TSC22D1: variants seen among roughly 807,000 people sequenced by gnomAD.
TSC22D1 encodes the protein TSC22 domain family member 1, also known as TSC22 domain family protein 1.
Under a neutral mutation model 74.2 loss-of-function variants are expected in TSC22D1, and 9 were observed. The observed-to-expected ratio is 0.12, with a 90% CI of 0.07 to 0.21. The LOEUF (loss-of-function observed/expected upper bound fraction) is 0.21, where lower values mean the gene tolerates loss of function less well. Ranked by LOEUF, TSC22D1 falls within the 10% of genes least tolerant of loss-of-function variation. The pLI, the probability that TSC22D1 is intolerant of heterozygous loss-of-function variation, is 1.00. For missense variants in TSC22D1, 1,427 were observed against 1,304.7 expected (o/e 1.09, Z -1.44); for synonymous variants, 586 against 492.5 (o/e 1.19, Z -2.51).
intron 1 of TSC22D1, among the ~76,000 whole-genome samples, chr13:44,488,816 T>C (rs963694687): frequency 3.9e-5 from 6 of 152,134 alleles, no homozygotes; most frequent in African/African-American, 1.4e-4. Flanking sequence ...TTGAACTATA[T>C]TAAAGAGACT....
chr13:44,568,777 G>A (rs972544716), intron 1 of TSC22D1, among the ~76,000 whole-genome samples: 1 of 152,216 alleles, frequency 6.6e-6, no homozygotes, highest in South Asian at 2.1e-4. Flanking sequence ...AGAGGGTGGG[G>A]AAAGGAGGGG....
intron 1 of TSC22D1, among the ~76,000 whole-genome samples, chr13:44,502,897 C>T (rs1176013691): frequency 6.6e-6 from 1 of 152,224 alleles, no homozygotes; most frequent in Non-Finnish European, 1.5e-5. Context: ...GTATATTTCA[C>T]ATGCATACAT....
chr13:44,436,563 T>C, intron 1 of TSC22D1: 2 of 1,614,138 alleles, frequency 1.2e-6, no homozygotes, highest in East Asian at 4.5e-5. Context: ...AGAAAGAAAT[T>C]GAAAAATGTC....
chr13:44,524,947 A>G (rs1216332547), intron 1 of TSC22D1, among the ~76,000 whole-genome samples: 1 of 152,216 alleles, frequency 6.6e-6, no homozygotes, highest in Non-Finnish European at 1.5e-5. Flanking sequence ...AAAAGTAACC[A>G]TATTCAAATA....
intron 1 of TSC22D1, among the ~76,000 whole-genome samples, chr13:44,476,859 G>A (rs535473863): frequency 4.7e-4 from 72 of 151,980 alleles, no homozygotes; most frequent in African/African-American, 1.7e-3. Context: ...TAGAGATGGG[G>A]GTCTTGATAT....
chr13:44,527,994 C>T (rs192445946), intron 1 of TSC22D1, among the ~76,000 whole-genome samples: 10 of 152,158 alleles, frequency 6.6e-5, no homozygotes, highest in Admixed American at 2.0e-4. Context: ...TCCAAGAAGA[C>T]ATAACCATTC....
rs370742852 is a variant in TSC22D1 at position 44,551,310 on chromosome 13, GGT to G, written c.2912+21851_2912+21852del. Among the ~76,000 whole-genome samples the G allele has an allele frequency of 8.7e-3, 1,157 of 132,694 alleles. 17 individuals are homozygous for G. The highest frequency in any genetic ancestry group is 0.028 in the African/African-American group (938 of 34,000). 87.1% of individuals were successfully genotyped at this position (132,694 alleles called of 152,430 possible). ...AAACCCAAAACCCCAATCAGCTGGG[GGT>G]GTGTGTGTGTGTGTGTGTGTGTGTG... On this transcript the variant is annotated intron_variant, in intron 1 of 2. Transcript: ENST00000458659.
In TSC22D1 at chr13:44,573,980, T is replaced by C. The variant is rs1273745257; in HGVS notation, c.2095A>G (p.Thr699Ala). ...CCTGCAGGTTGTGCTGGGACTGCTG[T>C]GGGCTGCACTGGCAGCTGGATACCC... Reference protein sequence around the residue: ...PQGIQLPVQPTAVPAQPAGAS... With the variant: ...PQGIQLPVQPAAVPAQPAGAS... Residue 699 changes from threonine (T) to alanine (A), a missense_variant, in exon 1 of 3, where the codon ACA (threonine) becomes GCA (alanine). This residue lies in a region of TSC22D1 where 1,343 missense variants were observed against 1,191.5 expected (regional missense o/e 1.13). Coordinates refer to ENST00000458659, the MANE Select transcript of TSC22D1 (RefSeq NM_183422.4). The C allele has an allele frequency of 3.1e-6, 5 of 1,614,062 alleles. No individual in the cohort carries two copies. The highest frequency in any genetic ancestry group is 1.6e-4 in the Middle Eastern group (1 of 6,062).
chr13:44,451,099 A>C (rs527243338), intron 1 of TSC22D1, among the ~76,000 whole-genome samples: 2 of 152,346 alleles, frequency 1.3e-5, no homozygotes, highest in African/African-American at 4.8e-5. Flanking sequence ...AGATCAGGTC[A>C]GCTCTCCAAT....
intron 1 of TSC22D1, among the ~76,000 whole-genome samples, chr13:44,474,651 G>C (rs1877794246): frequency 6.6e-6 from 1 of 151,982 alleles, no homozygotes; most frequent in African/African-American, 2.4e-5. Flanking sequence ...TGCAAGAATG[G>C]AAGGAAGGAG....
In TSC22D1 at chr13:44,434,548, G is replaced by A; in HGVS notation, c.*78C>T. 14 of 1,477,484 alleles carry A rather than the reference G, an allele frequency of 9.5e-6. No homozygotes were observed. The highest frequency in any genetic ancestry group is 1.4e-5 in the African/African-American group (1 of 70,464). The allele number at this position is 1,477,484 out of a possible 1,614,324, so 91.5% of individuals were successfully genotyped here. On this transcript the variant is annotated 3_prime_UTR_variant, in exon 3 of 3. Coordinates refer to ENST00000458659, the MANE Select transcript of TSC22D1 (RefSeq NM_183422.4). ...GCGAGCAATGAAATGGGTGACTGTGGAGGCAGATTCTCCCTAGCACATCTT... is the reference window on the plus strand; with the variant it reads ...GCGAGCAATGAAATGGGTGACTGTGAAGGCAGATTCTCCCTAGCACATCTT...
chr13:44,576,216 G>A lies in TSC22D1; in HGVS notation c.-142C>T. The A allele has an allele frequency of 1.6e-6, 2 of 1,255,034 alleles. No homozygotes were observed. Among genetic ancestry groups the A allele is most frequent in the South Asian group, 1.6e-5 (1 of 61,348 alleles). The allele number at this position is 1,255,034 out of a possible 1,614,324, so 77.7% of individuals were successfully genotyped here. A position where few individuals can be genotyped will look rare whatever the true frequency, so the allele number is the denominator to read the frequency against. The stretch of plus-strand genomic sequence containing the variant: ...CTCCTTCTCCTCCTCCTCAGCCAAA[G>A]GCGCCGGTCGCTCCTGCCTTCGAGA... On this transcript the variant is annotated 5_prime_UTR_variant, in exon 1 of 3. Coordinates refer to ENST00000458659, the MANE Select transcript of TSC22D1 (RefSeq NM_183422.4).
At chr13:44,435,584 A>G (rs1354121065) in intron 2 of TSC22D1, among the ~76,000 whole-genome samples, 2 of 152,068 alleles carry the variant, frequency 1.3e-5, no homozygotes, top group African/African-American at 4.8e-5. Context: ...TTCATTGTGA[A>G]GGAGCCCGCG....
rs566373268 is a variant in TSC22D1, at chr13:44,471,457, A to T, written c.2913-35362T>A. Among the ~76,000 whole-genome samples, 6 of 152,324 alleles carry T rather than the reference A, an allele frequency of 3.9e-5. No homozygotes were observed. The South Asian group carries it at 1.2e-3, about 32-fold the overall frequency. The stretch of plus-strand genomic sequence containing the variant: ...CAGTTAAATAGCCGGAATGTTAAAT[A>T]AATAGAACTGCAAAACTTACTAGAT... On this transcript the variant is annotated intron_variant, in intron 1 of 2. Coordinates refer to ENST00000458659, the MANE Select transcript of TSC22D1 (RefSeq NM_183422.4).
At chr13:44,533,367 C>T (rs192910821) in intron 1 of TSC22D1, among the ~76,000 whole-genome samples, 2 of 150,808 alleles carry the variant, frequency 1.3e-5, no homozygotes, top group Admixed American at 1.3e-4. Context: ...GAGGCTGAGG[C>T]GAGAACCACT....
chr13:44,545,720 T>A (rs1022618429), intron 1 of TSC22D1, among the ~76,000 whole-genome samples: 3 of 152,132 alleles, frequency 2.0e-5, no homozygotes, highest in Non-Finnish European at 2.9e-5. Context: ...CTCACACCTG[T>A]AATCTCAGCA....
intron 1 of TSC22D1, among the ~76,000 whole-genome samples, chr13:44,528,095 G>A (rs570210505): frequency 6.6e-6 from 1 of 152,152 alleles, no homozygotes; most frequent in Admixed American, 6.6e-5. Flanking sequence ...CACTATCATA[G>A]TTAAAGACTT....
At chr13:44,453,274 C>T (rs994839192) in intron 1 of TSC22D1, among the ~76,000 whole-genome samples, 1 of 86,774 alleles carries the variant, frequency 1.2e-5, no homozygotes, top group Non-Finnish European at 2.4e-5. Flanking sequence ...GTAGCCACTC[C>T]TCGTTTCTGC....
At chr13:44,492,653 C>CA (rs879574554) in intron 1 of TSC22D1, among the ~76,000 whole-genome samples, 71 of 150,708 alleles carry the variant, frequency 4.7e-4, no homozygotes, top group Non-Finnish European at 7.0e-4. Flanking sequence ...CCCCTCCAAA[C>CA]AAAAAAAAAT....
Sources: allele counts gnomAD v4.1 joint callset (sites outside exome capture counted in the v4.1 genomes callset), GRCh38; gene constraint gnomAD v4.1.1; regional missense constraint gnomAD v4.1.1; transcripts MANE v1.5; gene names NCBI Gene and HGNC (gene_info 2026-07-23, HGNC 2026-07-21).